CHM: variants seen among roughly 807,000 people sequenced by gnomAD.
The protein encoded by CHM is CHM Rab escort protein, also known as rab proteins geranylgeranyltransferase component A 1.
In CHM, 10 loss-of-function variants were observed where a neutral mutation model predicts 49.0. That is an observed-to-expected ratio of 0.20 (90% CI 0.13 to 0.35). The LOEUF (loss-of-function observed/expected upper bound fraction) is 0.35. Ranked by LOEUF, CHM falls within the 10% of genes least tolerant of loss-of-function variation. The pLI, the probability that CHM is intolerant of heterozygous loss-of-function variation, is 1.00. For missense variants in CHM, 455 were observed against 478.4 expected, an observed-to-expected ratio of 0.95 and a Z score of 0.46; for synonymous variants, 184 against 167.5, an observed-to-expected ratio of 1.10 and a Z score of -0.76.
At chrX:85,960,442 T>C (rs965381932) in intron 5 of CHM, among the ~76,000 whole-genome samples, 1 of 98,565 alleles carries the variant, frequency 1.0e-5, no homozygotes, top group African/African-American at 3.7e-5. Context: ...TTTTTTTTTA[T>C]TGAGACAGAG....
chrX:86,043,989 C>T (rs1165124056), intron 1 of CHM, among the ~76,000 whole-genome samples: 1 of 111,928 alleles, frequency 8.9e-6, no homozygotes, highest in African/African-American at 3.2e-5. Flanking sequence ...AGGGGAAGAA[C>T]TCCAAAAGAT....
chrX:85,878,254 C>T (rs1468008370), intron 13 of CHM, among the ~76,000 whole-genome samples: 1 of 111,490 alleles, frequency 9.0e-6, no homozygotes, highest in African/African-American at 3.3e-5. Context: ...CGGAGGTGGG[C>T]GGATCACCTG....
intron 8 of CHM, among the ~76,000 whole-genome samples, chrX:85,942,456 T>C (rs971361214): frequency 8.1e-5 from 9 of 111,709 alleles, no homozygotes; most frequent in Non-Finnish European, 1.7e-4. Flanking sequence ...GTGATGAAAC[T>C]ATGGACTTCT....
intron 12 of CHM, among the ~76,000 whole-genome samples, chrX:85,893,306 G>A (rs977578093): frequency 1.7e-4 from 19 of 111,606 alleles, no homozygotes; most frequent in Non-Finnish European, 3.4e-4. Context: ...ATATGTTGTA[G>A]AATGCATGAT....
chrX:85,965,305 T>C (rs963895701), intron 4 of CHM, among the ~76,000 whole-genome samples: 33 of 112,306 alleles, frequency 2.9e-4, no homozygotes, highest in Non-Finnish European at 5.1e-4. Context: ...TCTTCCTTAC[T>C]CCAATTACAC....
intron 4 of CHM, chrX:85,970,909 T>C: frequency 1.4e-6 from 1 of 726,073 alleles, no homozygotes; most frequent in Non-Finnish European, 1.6e-6. Flanking sequence ...TAGCCTATGA[T>C]AGAATAATTA....
intron 8 of CHM, among the ~76,000 whole-genome samples, chrX:85,955,416 A>C (rs1016875269): frequency 8.0e-5 from 9 of 112,217 alleles, no homozygotes; most frequent in African/African-American, 2.9e-4. Flanking sequence ...TGTGTAAAAC[A>C]AACAAAAAAA....
intron 11 of CHM, among the ~76,000 whole-genome samples, chrX:85,896,175 G>A (rs954032326): frequency 1.6e-4 from 17 of 107,122 alleles, no homozygotes; most frequent in Non-Finnish European, 3.3e-4. Context: ...GAGAGAAGAT[G>A]AAAGAAGAAA....
At chrX:85,868,019 CTGTGTGTG>C (rs36027427) in intron 14 of CHM, among the ~76,000 whole-genome samples, 19 of 95,806 alleles carry the variant, frequency 2.0e-4, no homozygotes, top group African/African-American at 6.2e-4. Context: ...ATAGTTACCA[CTGTGTGTG>C]TGTGTGTGTG....
chrX:86,046,990 T>C (rs1934673266), intron 1 of CHM, among the ~76,000 whole-genome samples: 1 of 111,619 alleles, frequency 9.0e-6, no homozygotes, highest in African/African-American at 3.3e-5. Context: ...GGGCAATAAT[T>C]GAGCATCTTT....
intron 1 of CHM, among the ~76,000 whole-genome samples, chrX:86,030,636 G>GT (rs1273306354): frequency 9.0e-6 from 1 of 111,043 alleles, no homozygotes; most frequent in East Asian, 2.8e-4. Flanking sequence ...AATAATAAGT[G>GT]TATTTAAAAC....
intron 8 of CHM, among the ~76,000 whole-genome samples, chrX:85,953,512 T>C (rs5968742): frequency 0.27 from 30,335 of 110,622 alleles, 3,289 homozygotes; most frequent in African/African-American, 0.39. Context: ...CATTACCTTA[T>C]TTCAAATTAT....
chrX:86,021,126 GTA>G (rs3078128), intron 2 of CHM, among the ~76,000 whole-genome samples: 2,828 of 55,894 alleles, frequency 0.051, 161 homozygotes, highest in African/African-American at 0.15. Context: ...GTGTATATAC[GTA>G]TATATATATA....
intron 5 of CHM, among the ~76,000 whole-genome samples, chrX:85,959,267 A>G (rs1454012326): frequency 8.9e-6 from 1 of 112,014 alleles, no homozygotes; most frequent in African/African-American, 3.2e-5. Flanking sequence ...ATAAATATTC[A>G]TATATTTCAC....
At chrX:85,994,311 G>A in intron 2 of CHM, among the ~76,000 whole-genome samples, 1 of 111,855 alleles carries the variant, frequency 8.9e-6, no homozygotes, top group Non-Finnish European at 1.9e-5. Flanking sequence ...TCCGCTCCTT[G>A]CAAAATGTGA....
chrX:86,030,917 T>A (rs1252033183), intron 1 of CHM, among the ~76,000 whole-genome samples: 1 of 111,344 alleles, frequency 9.0e-6, no homozygotes, highest in Non-Finnish European at 1.9e-5. Context: ...GCAGCATGGA[T>A]CAGTACTTCA....
intron 8 of CHM, among the ~76,000 whole-genome samples, chrX:85,912,611 A>T (rs900654086): frequency 2.7e-5 from 3 of 111,601 alleles, no homozygotes; most frequent in African/African-American, 9.8e-5. Flanking sequence ...GCTCCTGTGA[A>T]TATATTACCA....
chrX:85,952,819 C>A (rs1929816698), intron 8 of CHM, among the ~76,000 whole-genome samples: 1 of 112,845 alleles, frequency 8.9e-6, no homozygotes, highest in Admixed American at 9.3e-5. Flanking sequence ...CTACCCTCGG[C>A]CAGAGGGGAG....
At chrX:85,903,306 A>T (rs1926391401) in intron 9 of CHM, among the ~76,000 whole-genome samples, 1 of 111,054 alleles carries the variant, frequency 9.0e-6, no homozygotes, top group African/African-American at 3.3e-5. Context: ...AAACTGGGGG[A>T]GGGGGTCAGT....
Sources: gnomAD v4.1 joint callset for allele counts (sites outside exome capture counted in the v4.1 genomes callset) on GRCh38, gnomAD v4.1.1 for gene constraint, MANE v1.5 for transcripts, NCBI Gene and HGNC (gene_info 2026-07-23, HGNC 2026-07-21) for gene names.